The following WDR86 variants were observed in gnomAD, a reference collection of about 807,000 sequenced individuals.
WDR86 encodes the protein WD repeat-containing protein 86.
A neutral mutation model predicts 36.5 loss-of-function variants in WDR86; 30 were observed. The observed-to-expected ratio is 0.82, with a 90% CI of 0.61 to 1.11. WDR86 has a LOEUF of 1.11. Ranked by LOEUF, WDR86 falls within the 50% of genes most tolerant of loss-of-function variation. The probability of loss-of-function intolerance (pLI) is 0.00; values close to 1 mark genes in which losing one functional copy is unlikely to be tolerated. For missense variants in WDR86, 545 were observed against 561.2 expected, an observed-to-expected ratio of 0.97 and a Z score of 0.29; for synonymous variants, 255 against 252.9, an observed-to-expected ratio of 1.01 and a Z score of -0.08.
intron 3 of WDR86, 67 bp from the exon 4 acceptor site, chr7:151,385,290 A>C: frequency 6.3e-7 from 1 of 1,594,586 alleles, no homozygotes; most frequent in East Asian, 2.2e-5. Context: ...CTCTCCCTCT[A>C]TAAGGGGGGA....
chr7:151,380,102 G>A (rs1190927000), downstream of WDR86, among the ~76,000 whole-genome samples: 1 of 152,228 alleles, frequency 6.6e-6, no homozygotes, highest in Non-Finnish European at 1.5e-5. Flanking sequence ...CCGGAGAACA[G>A]TGCATGGTGC....
chr7:151,394,870 G>A (rs151139610), intron 3 of WDR86, among the ~76,000 whole-genome samples: 3 of 152,326 alleles, frequency 2.0e-5, no homozygotes, highest in African/African-American at 4.8e-5. Context: ...CGGGATGTTC[G>A]AAGCACACAC....
At chr7:151,384,501 G>GT (rs1405526696) in intron 4 of WDR86, among the ~76,000 whole-genome samples, 2 of 152,198 alleles carry the variant, frequency 1.3e-5, no homozygotes, top group Non-Finnish European at 2.9e-5. Context: ...GGCTGGCACT[G>GT]TAGCAGCTAT....
At chr7:151,396,838 A>G (rs1799859963) in intron 2 of WDR86, among the ~76,000 whole-genome samples, 1 of 152,232 alleles carries the variant, frequency 6.6e-6, no homozygotes, top group Non-Finnish European at 1.5e-5. Context: ...AGCAATCCCC[A>G]TGCAGACTGA....
chr7:151,376,740 T>C (rs1453610396), downstream of WDR86: 1 of 1,601,298 alleles, frequency 6.2e-7, no homozygotes, highest in Non-Finnish European at 8.5e-7. Context: ...GGAGGAAGCC[T>C]GCCTCCCGAG....
downstream of WDR86, chr7:151,376,267 C>T (rs917697812): frequency 2.1e-6 from 1 of 467,140 alleles, no homozygotes. Context: ...GAAACCCATC[C>T]AGCTTTGTAT....
At chr7:151,389,980 G>A (rs2150778998) in intron 3 of WDR86, among the ~76,000 whole-genome samples, 1 of 152,294 alleles carries the variant, frequency 6.6e-6, no homozygotes, top group Non-Finnish European at 1.5e-5. Context: ...GTGGATGGGG[G>A]TGCCGGTGAG....
chr7:151,380,684 C>T (rs1478902828), downstream of WDR86, among the ~76,000 whole-genome samples: 3 of 152,004 alleles, frequency 2.0e-5, no homozygotes, highest in Non-Finnish European at 2.9e-5. Context: ...CACAGGGCTC[C>T]CCTTGGGTGC....
downstream of WDR86, chr7:151,377,422 C>G: frequency 2.2e-6 from 1 of 450,646 alleles, no homozygotes; most frequent in Non-Finnish European, 3.9e-6. Context: ...TTCCTCTGGC[C>G]TGGCGCAGGC....
rs145204786 is a variant in WDR86 at position 151,387,079 on chromosome 7, C to T, written c.727-1856G>A. ...CCCCAACACATGGTCAGCTCCAGAG[C>T]CAGCCAGGCTCCCTGTGCTTGCGTC... On this transcript the variant is annotated intron_variant, in intron 3 of 5. Coordinates refer to ENST00000334493, the MANE Select transcript of WDR86 (RefSeq NM_198285.3). 7.3e-3 allele frequency among the ~76,000 whole-genome samples: 1,116 copies of T among 152,350 alleles called. 57 individuals are homozygous for T. The highest frequency in any genetic ancestry group is 0.06 in the Admixed American group (921 of 15,308).
chr7:151,376,843 G>A (rs751381088), downstream of WDR86: 1 of 1,546,466 alleles, frequency 6.5e-7, no homozygotes, highest in African/African-American at 1.4e-5. Context: ...GCCGCATTGA[G>A]AGCAAAGTGT....
chr7:151,387,552 C>T (rs916348362), intron 3 of WDR86, among the ~76,000 whole-genome samples: 2 of 152,084 alleles, frequency 1.3e-5, no homozygotes, highest in African/African-American at 2.4e-5. Flanking sequence ...CCTGAGGGCT[C>T]CTCGCAGCCA....
At chr7:151,376,831 G>C (rs758922717), downstream of WDR86, 2 of 1,558,132 alleles carry the variant, frequency 1.3e-6, no homozygotes, top group South Asian at 2.4e-5. Context: ...AGGTCTTTGA[G>C]GGCCGCATTG....
downstream of WDR86, among the ~76,000 whole-genome samples, chr7:151,375,344 C>T (rs984167963): frequency 3.9e-5 from 6 of 152,120 alleles, no homozygotes; most frequent in South Asian, 8.3e-4. Flanking sequence ...GTGAATTATA[C>T]GAGTGGCACA....
downstream of WDR86, among the ~76,000 whole-genome samples, chr7:151,373,378 A>G (rs1375794416): frequency 6.6e-6 from 1 of 152,210 alleles, no homozygotes; most frequent in Non-Finnish European, 1.5e-5. Context: ...TAGTTTACAA[A>G]ATAAATTGGG....
At chr7:151,408,153 T>C (rs1451747569) in intron 1 of WDR86, among the ~76,000 whole-genome samples, 1 of 151,956 alleles carries the variant, frequency 6.6e-6, no homozygotes, top group African/African-American at 2.4e-5. Flanking sequence ...CCCTGTTGGG[T>C]TTGAAATATC....
Position 151,406,281 on chromosome 7 carries a change from T to A in WDR86, c.163+3146A>T, listed in dbSNP as rs902324422. On this transcript the variant is annotated intron_variant, in intron 1 of 5. Coordinates refer to ENST00000334493, the MANE Select transcript of WDR86 (RefSeq NM_198285.3). The surrounding 1 kb of genome is among the most constrained non-coding windows in gnomAD (Gnocchi z 4.4). ...CGCCACAGGGAACGGCCTTCACTCT[T>A]CCTCTCCCTCTCACCCTTTGGCCCA... Among the ~76,000 whole-genome samples, 1 of 152,082 alleles carries A rather than the reference T, an allele frequency of 6.6e-6. No individual in the cohort carries two copies. The highest frequency in any genetic ancestry group is 2.4e-5 in the African/African-American group (1 of 41,416).
At chr7:151,380,673 G>A (rs553636688), downstream of WDR86, among the ~76,000 whole-genome samples, 1 of 152,126 alleles carries the variant, frequency 6.6e-6, no homozygotes, top group Admixed American at 6.5e-5. Context: ...GAGCCCCTGG[G>A]CACAGGGCTC....
chr7:151,384,438 G>A (rs551130237), intron 4 of WDR86, among the ~76,000 whole-genome samples: 111 of 152,338 alleles, frequency 7.3e-4, no homozygotes, highest in African/African-American at 2.5e-3. Context: ...GCTAGAAGAC[G>A]CGTCCTTTCG....
Sources: gnomAD v4.1 joint callset for allele counts (sites outside exome capture counted in the v4.1 genomes callset) on GRCh38, gnomAD v4.1.1 for gene constraint, Gnocchi (gnomAD v3.1) non-coding constraint, MANE v1.5 for transcripts, NCBI Gene and HGNC (gene_info 2026-07-23, HGNC 2026-07-21) for gene names.